Variants in TRA2A observed in about 807,000 individuals in gnomAD.
TRA2A encodes transformer 2 alpha homolog.
TRA2A carries 31 observed loss-of-function variants against 45.7 expected under a neutral mutation model. That is an observed-to-expected ratio of 0.68 (90% CI 0.51 to 0.92). The LOEUF (loss-of-function observed/expected upper bound fraction) is 0.92, where lower values mean the gene tolerates loss of function less well. Among genes scored for constraint, TRA2A ranks in the 40% least tolerant of loss-of-function variants. The pLI is 0.00. For missense variants in TRA2A, 304 were observed against 367.5 expected (o/e 0.83, Z 1.41); for synonymous variants, 132 against 126.2 (o/e 1.05, Z -0.31).
chr7:23,506,562 C>T, intron 5 of TRA2A: 1 of 343,882 alleles, frequency 2.9e-6, no homozygotes, highest in Non-Finnish European at 5.2e-6. Context: ...CTGTGTTGAG[C>T]AGCAGTATAA....
At chr7:23,516,129 G>A (rs898039793) in intron 3 of TRA2A, among the ~76,000 whole-genome samples, 1 of 152,074 alleles carries the variant, frequency 6.6e-6, no homozygotes, top group Admixed American at 6.5e-5. Flanking sequence ...GACAGAGTAA[G>A]ACTTTGTCTA....
chr7:23,518,346 C>A (rs114555138), intron 2 of TRA2A, among the ~76,000 whole-genome samples: 1,679 of 151,602 alleles, frequency 0.011, 39 homozygotes, highest in African/African-American at 0.039. Flanking sequence ...AAACTGGTAA[C>A]ATTTCTTTTT....
At chr7:23,508,702 GC>G (rs2127991314) in intron 4 of TRA2A, among the ~76,000 whole-genome samples, 1 of 152,262 alleles carries the variant, frequency 6.6e-6, no homozygotes, top group South Asian at 2.1e-4. Flanking sequence ...CACCATGTTG[GC>G]CAGGATGGTC....
chr7:23,512,104 A>G (rs1166289339), intron 4 of TRA2A, among the ~76,000 whole-genome samples: 1 of 152,230 alleles, frequency 6.6e-6, no homozygotes, highest in African/African-American at 2.4e-5. Context: ...CCAGATTTCA[A>G]TTAGGATATG....
intron 1 of TRA2A, among the ~76,000 whole-genome samples, chr7:23,529,315 T>C (rs1790468374): frequency 6.6e-6 from 1 of 152,192 alleles, no homozygotes; most frequent in African/African-American, 2.4e-5. Flanking sequence ...TCTCATTCTG[T>C]TGCCTAGACT....
intron 2 of TRA2A, among the ~76,000 whole-genome samples, chr7:23,517,858 G>A (rs944916432): frequency 3.9e-5 from 6 of 152,050 alleles, no homozygotes; most frequent in African/African-American, 1.4e-4. Context: ...GCTGCAGTGA[G>A]CTGAGATCGT....
intron 2 of TRA2A, 78 bp from the exon 3 acceptor site, chr7:23,516,606 T>C: frequency 7.6e-7 from 1 of 1,308,620 alleles, no homozygotes; most frequent in East Asian, 2.3e-5. Context: ...AAGGTATACA[T>C]ATATCCCTAA....
Position 23,531,772 on chromosome 7 carries a change from C to G in TRA2A, c.36+17G>C. 1 of 1,613,118 alleles carries G rather than the reference C, an allele frequency of 6.2e-7. No individual in the cohort carries two copies. The highest frequency in any genetic ancestry group is 2.2e-5 in the East Asian group (1 of 44,884). On this transcript the variant is annotated intron_variant, in intron 1 of 7. Coordinates refer to ENST00000297071, the MANE Select transcript of TRA2A (RefSeq NM_013293.5). ...ATTGGGCCGCCGCCTAGACGGCTCC[C>G]GCGGCTTTGTACTCACTCTGCCCTC...
At chr7:23,506,335 G>C in intron 5 of TRA2A, 69 bp from the exon 6 acceptor site, 1 of 1,399,576 alleles carries the variant, frequency 7.1e-7, no homozygotes, top group Non-Finnish European at 9.4e-7. Flanking sequence ...AATACAAATT[G>C]AATGGCTTAA....
chr7:23,516,497 A>T lies in TRA2A; in HGVS notation c.202T>A (p.Tyr68Asn). The T allele has an allele frequency of 6.2e-7, 1 of 1,614,228 alleles. No individual in the cohort carries two copies. Among genetic ancestry groups the T allele is most frequent in the African/African-American group, 1.3e-5 (1 of 75,064 alleles). Reference protein sequence around the residue: ...SRSRRHSHRRYTRSRSHSHSH... With the variant: ...SRSRRHSHRRNTRSRSHSHSH... ...TGAGAGTGGGATCTGGATCGAGTGT[A>T]ACGTCTATGAGAATGTCTCCTTGAC... Residue 68 changes from tyrosine (Y) to asparagine (N), a missense_variant, in exon 3 of 8, where the codon TAC (tyrosine) becomes AAC (asparagine). Around this residue, in one of 3 missense-constraint regions of TRA2A, gnomAD observed 132 missense variants for 113.4 expected, o/e 1.16. Coordinates refer to ENST00000297071, the MANE Select transcript of TRA2A (RefSeq NM_013293.5).
Position 23,507,553 on chromosome 7 carries a change from A to C in TRA2A, c.526-18T>G, listed in dbSNP as rs1789399924. 6.4e-7 allele frequency: 1 copy of C among 1,558,984 alleles called. No individual in the cohort carries two copies. Among genetic ancestry groups the C allele is most frequent in the Non-Finnish European group, 8.8e-7 (1 of 1,130,148 alleles). ...TCCATAGCCTATAAAGAACAGGCAC[A>C]AAAAGTCACGTATAATTCACCAGTC... is the stretch of plus-strand genomic sequence containing the variant. On this transcript the variant is annotated intron_variant, in intron 4 of 7. Transcript: ENST00000297071.
chr7:23,505,923 A>T, intron 6 of TRA2A, 110 bp from the exon 7 acceptor site: 1 of 734,904 alleles, frequency 1.4e-6, no homozygotes, highest in Non-Finnish European at 2.2e-6. Context: ...GGTGATAACT[A>T]CTTAATATTA....
intron 1 of TRA2A, chr7:23,531,130 C>CA (rs1344500652): frequency 1.3e-6 from 1 of 771,474 alleles, no homozygotes; most frequent in Non-Finnish European, 1.6e-6. Flanking sequence ...AGTTTCCCCT[C>CA]ACAGCTCTCG....
chr7:23,513,912 T>C (rs960231981), intron 3 of TRA2A, among the ~76,000 whole-genome samples: 34 of 152,102 alleles, frequency 2.2e-4, no homozygotes, highest in African/African-American at 7.5e-4. Flanking sequence ...TTGTGGAATG[T>C]TGAGAAAGGT....
intron 3 of TRA2A, among the ~76,000 whole-genome samples, chr7:23,515,557 T>C (rs941383531): frequency 2.0e-5 from 3 of 149,482 alleles, no homozygotes; most frequent in African/African-American, 7.5e-5. Context: ...TTTTCTTTTT[T>C]TGAGACAGAG....
intron 1 of TRA2A, 69 bp from the exon 2 acceptor site, chr7:23,521,909 C>T (rs143787070): frequency 9.4e-6 from 15 of 1,589,176 alleles, no homozygotes; most frequent in Middle Eastern, 1.7e-4. Flanking sequence ...ATTTAAAGTA[C>T]CGTAATTATT....
chr7:23,514,185 A>C (rs1789755654), intron 3 of TRA2A, among the ~76,000 whole-genome samples: 1 of 150,606 alleles, frequency 6.6e-6, no homozygotes, highest in African/African-American at 2.4e-5. Context: ...CTCCTGCTTC[A>C]GCCTCCCAAG....
intron 1 of TRA2A, 93 bp from the exon 2 acceptor site, chr7:23,521,933 C>A: frequency 1.3e-6 from 2 of 1,538,126 alleles, no homozygotes; most frequent in Non-Finnish European, 1.8e-6. Context: ...ATTGATTGCT[C>A]CTGAAAAACA....
chr7:23,518,406 A>G (rs2127996933), intron 2 of TRA2A, among the ~76,000 whole-genome samples: 1 of 152,096 alleles, frequency 6.6e-6, no homozygotes, highest in Middle Eastern at 3.4e-3. Context: ...CAATGGCACA[A>G]TCTCAGCTCA....
Sources: gnomAD v4.1 joint callset for allele counts (sites outside exome capture counted in the v4.1 genomes callset) on GRCh38, gnomAD v4.1.1 for gene constraint, gnomAD v4.1.1 regional missense constraint, MANE v1.5 for transcripts, NCBI Gene and HGNC (gene_info 2026-07-23, HGNC 2026-07-21) for gene names.